The following SPOCK1 variants were observed in gnomAD, a reference collection of about 807,000 sequenced individuals.
The protein encoded by SPOCK1 is testican-1.
Under a neutral mutation model 55.3 loss-of-function variants are expected in SPOCK1, and 23 were observed. The observed-to-expected ratio is 0.42, with a 90% CI of 0.30 to 0.59. The LOEUF (loss-of-function observed/expected upper bound fraction) is 0.59. SPOCK1 is among the 20% of genes least tolerant of loss of function. SPOCK1 has a pLI of 0.22. For missense variants in SPOCK1, 499 were observed against 552.5 expected, an observed-to-expected ratio of 0.90 and a Z score of 0.97; for synonymous variants, 226 against 221.0, an observed-to-expected ratio of 1.02 and a Z score of -0.20.
intron 3 of SPOCK1, among the ~76,000 whole-genome samples, chr5:137,192,314 C>T (rs1257617063): frequency 6.0e-5 from 9 of 150,792 alleles, no homozygotes; most frequent in Admixed American, 2.0e-4. Context: ...CATGGAGAGA[C>T]GGAGGGAGGA....
At chr5:137,095,461 T>C (rs6888621) in intron 5 of SPOCK1, among the ~76,000 whole-genome samples, 102,182 of 152,096 alleles carry the variant, frequency 0.67, 34,492 homozygotes, top group Non-Finnish European at 0.7. Flanking sequence ...TCAGATTCTA[T>C]TTCTGTCATT....
chr5:137,311,206 G>C (rs1172465594), intron 2 of SPOCK1, among the ~76,000 whole-genome samples: 1 of 152,012 alleles, frequency 6.6e-6, no homozygotes, highest in Non-Finnish European at 1.5e-5. Flanking sequence ...GAATGTCATG[G>C]TTTAATTTTA....
At chr5:137,475,762 T>TG (rs1403734232) in intron 2 of SPOCK1, among the ~76,000 whole-genome samples, 1 of 151,876 alleles carries the variant, frequency 6.6e-6, no homozygotes, top group Non-Finnish European at 1.5e-5. Context: ...TTTGTAAAGA[T>TG]GGGGGTCTCA....
intron 6 of SPOCK1, among the ~76,000 whole-genome samples, chr5:137,019,206 T>C (rs1751512922): frequency 6.6e-6 from 1 of 152,172 alleles, no homozygotes; most frequent in Admixed American, 6.5e-5. Flanking sequence ...TGGTTTCTAA[T>C]TATAAATGCT....
At chr5:137,073,104 A>C (rs2127009005) in intron 5 of SPOCK1, among the ~76,000 whole-genome samples, 1 of 152,346 alleles carries the variant, frequency 6.6e-6, no homozygotes, top group African/African-American at 2.4e-5. Context: ...TCTCATTTAG[A>C]ACCTTATTGA....
rs369737674 is a variant in SPOCK1 at position 137,330,090 on chromosome 5, C to T, written c.187-63035G>A. ...CCAGGCCACTGCTCCTGAAAATTAG[C>T]TATTTCATCATGACGAGCTGCCCAA... On this transcript the variant is annotated intron_variant, in intron 2 of 10. Coordinates refer to ENST00000394945, the MANE Select transcript of SPOCK1 (RefSeq NM_004598.4). Among the ~76,000 whole-genome samples, 4 of 152,276 alleles carry T rather than the reference C, an allele frequency of 2.6e-5. No homozygotes were observed. The East Asian group carries it at 7.7e-4, about 29-fold the overall frequency.
intron 6 of SPOCK1, among the ~76,000 whole-genome samples, chr5:137,016,635 A>G (rs923024468): frequency 1.8e-4 from 27 of 152,246 alleles, no homozygotes; most frequent in African/African-American, 6.3e-4. Flanking sequence ...GAAGTCATCT[A>G]GTTCTTGCAC....
intron 8 of SPOCK1, among the ~76,000 whole-genome samples, chr5:136,986,463 T>G (rs1580694399): frequency 6.6e-6 from 1 of 152,164 alleles, no homozygotes; most frequent in Non-Finnish European, 1.5e-5. Context: ...AATTTTTAAA[T>G]GGCTATTATC....
chr5:137,145,905 G>A (rs912494708), intron 3 of SPOCK1, among the ~76,000 whole-genome samples: 5 of 152,176 alleles, frequency 3.3e-5, no homozygotes, highest in Admixed American at 1.3e-4. Flanking sequence ...GTTTCATGAG[G>A]CTGGCAGCAG....
chr5:137,453,722 C>G (rs899073326), intron 2 of SPOCK1, among the ~76,000 whole-genome samples: 7 of 152,084 alleles, frequency 4.6e-5, no homozygotes, highest in South Asian at 4.1e-4. Context: ...TTACCACTGC[C>G]CCATAGGTAT....
chr5:137,491,239 A>G (rs1033353484), intron 2 of SPOCK1, among the ~76,000 whole-genome samples: 15 of 152,188 alleles, frequency 9.9e-5, no homozygotes, highest in Non-Finnish European at 1.3e-4. Context: ...ACACCATGAC[A>G]TGACTCAGCC....
intron 3 of SPOCK1, among the ~76,000 whole-genome samples, chr5:137,235,286 G>A (rs560010516): frequency 6.6e-6 from 1 of 152,324 alleles, no homozygotes; most frequent in South Asian, 2.1e-4. Flanking sequence ...GAGGGAGTGT[G>A]TCACCTAGAG....
rs558945386 is a variant in SPOCK1, at chr5:137,217,651, G to A, written c.232+49359C>T. Among the ~76,000 whole-genome samples the A allele has an allele frequency of 4.4e-3, 664 of 152,294 alleles. 1 individual carries two copies. The highest frequency in any genetic ancestry group is 7.3e-3 in the Non-Finnish European group (496 of 68,028). On this transcript the variant is annotated intron_variant, in intron 3 of 10. Coordinates refer to ENST00000394945, the MANE Select transcript of SPOCK1 (RefSeq NM_004598.4). ...CTTGGCAAAGTCAGCCACTGTTACT[G>A]AAGTAAGTACTCACTGTACTTCTTA...
chr5:137,091,101 T>C (rs1753047198), intron 5 of SPOCK1, among the ~76,000 whole-genome samples: 1 of 152,140 alleles, frequency 6.6e-6, no homozygotes, highest in Non-Finnish European at 1.5e-5. Context: ...GAGAGTTGGC[T>C]AAAGAGGGTG....
intron 3 of SPOCK1, among the ~76,000 whole-genome samples, chr5:137,212,232 G>A (rs970940971): frequency 1.3e-5 from 2 of 152,128 alleles, no homozygotes; most frequent in Admixed American, 1.3e-4. Context: ...GTGTTGGTGG[G>A]GAGAAATCCT....
chr5:137,163,313 C>A (rs529445526), intron 3 of SPOCK1, among the ~76,000 whole-genome samples: 1 of 152,260 alleles, frequency 6.6e-6, no homozygotes, highest in African/African-American at 2.4e-5. Flanking sequence ...AGAGAGGTGG[C>A]GTGGCTGCCA....
At chr5:137,263,709 G>A (rs1184155766) in intron 3 of SPOCK1, among the ~76,000 whole-genome samples, 6 of 152,102 alleles carry the variant, frequency 3.9e-5, no homozygotes, top group Non-Finnish European at 8.8e-5. Flanking sequence ...TCTGTGAGGA[G>A]ATTTGGCATT....
intron 6 of SPOCK1, among the ~76,000 whole-genome samples, chr5:137,012,996 T>C (rs966166594): frequency 1.3e-5 from 2 of 152,150 alleles, no homozygotes; most frequent in African/African-American, 4.8e-5. Context: ...GCATCTATGA[T>C]TTGACCCCAC....
chr5:137,121,964 A>G (rs934739227), intron 4 of SPOCK1, among the ~76,000 whole-genome samples: 3 of 148,668 alleles, frequency 2.0e-5, no homozygotes, highest in African/African-American at 4.9e-5. Flanking sequence ...ATATATATAT[A>G]TGATGTCCAA....
Sources: allele counts gnomAD v4.1 joint callset (sites outside exome capture counted in the v4.1 genomes callset), GRCh38; gene constraint gnomAD v4.1.1; transcripts MANE v1.5; gene names NCBI Gene and HGNC (gene_info 2026-07-23, HGNC 2026-07-21).